The following SIDT2 variants were observed in gnomAD, a reference collection of about 807,000 sequenced individuals.
SIDT2 encodes the protein SID1 transmembrane family member 2.
In SIDT2, 68 loss-of-function variants were observed where a neutral mutation model predicts 114.4. The observed-to-expected ratio is 0.59, with a 90% CI of 0.49 to 0.73. The LOEUF (loss-of-function observed/expected upper bound fraction) is 0.73, where lower values mean the gene tolerates loss of function less well. SIDT2 is among the 30% of genes least tolerant of loss of function. The probability of loss-of-function intolerance (pLI) is 0.00; values close to 1 mark genes in which losing one functional copy is unlikely to be tolerated. For synonymous variants in SIDT2, 470 were observed against 438.4 expected (o/e 1.07, Z -0.90); for missense variants, 918 against 1,097.1 (o/e 0.84, Z 2.31).
In SIDT2 at chr11:117,188,454, G is replaced by A; in HGVS notation, c.1160-254G>A. 1 of 530,380 alleles carries A rather than the reference G, an allele frequency of 1.9e-6. No individual in the cohort carries two copies. The highest frequency in any genetic ancestry group is 3.4e-6 in the Non-Finnish European group (1 of 293,862). The allele number at this position is 530,380 out of a possible 1,614,324, so 32.9% of individuals were successfully genotyped here. A position where few individuals can be genotyped will look rare whatever the true frequency, so the allele number is the denominator to read the frequency against. On this transcript the variant is annotated intron_variant, in intron 12 of 25. Transcript: ENST00000324225. The surrounding 1 kb of genome is among the most constrained non-coding windows in gnomAD (Gnocchi z 4.0). ...TGGGAAGCCCTAGCCCATGAGGGGT[G>A]CCAGGAACAGAGCAAAGCTAGAGCG...
intron 6 of SIDT2, among the ~76,000 whole-genome samples, chr11:117,183,228 C>T (rs2030364494): frequency 6.6e-6 from 1 of 151,782 alleles, no homozygotes; most frequent in South Asian, 2.1e-4. Flanking sequence ...GCCTGTAATC[C>T]CAGCTACTCG....
Position 117,182,499 on chromosome 11 carries a change from CT to C in SIDT2, c.517-18del. ...GCATCCTCATGAGATGGGGCTCTCC[CT>C]TCCTTCCTGCACCCTCAGTACTTCA... On this transcript the variant is annotated intron_variant, in intron 4 of 25. Coordinates refer to ENST00000324225, the MANE Select transcript of SIDT2 (RefSeq NM_001040455.2). 6.2e-7 allele frequency: 1 copy of C among 1,607,836 alleles called. No individual in the cohort carries two copies. The highest frequency in any genetic ancestry group is 8.5e-7 in the Non-Finnish European group (1 of 1,174,242).
chr11:117,183,951 C>G, intron 7 of SIDT2, 73 bp downstream of exon 7: 1 of 1,494,730 alleles, frequency 6.7e-7, no homozygotes, highest in Non-Finnish European at 9.3e-7. Context: ...GAAGAGCCTG[C>G]GTGGCTGATT....
chr11:117,193,155 C>T lies in SIDT2; in HGVS notation c.2108C>T (p.Ala703Val). The T allele has an allele frequency of 3.1e-6, 5 of 1,614,222 alleles. No individual in the cohort carries two copies. The highest frequency in any genetic ancestry group is 4.2e-6 in the Non-Finnish European group (5 of 1,180,024). Reference sequence around the variant, plus strand: ...CCACCCTTCATCCCTCTTGCCAGGGCTGCCTATGGGCTTATCATGCGCCCC... The same window carrying T: ...CCACCCTTCATCCCTCTTGCCAGGGTTGCCTATGGGCTTATCATGCGCCCC... ...VMGNVINWSL[A>V]AYGLIMRPND... Residue 703 changes from alanine (A) to valine (V), a missense_variant and splice_region_variant, in exon 23 of 26, where the codon GCT becomes GTT. Transcript: ENST00000324225.
chr11:117,187,061 A>G lies in SIDT2; in HGVS notation c.1016-317A>G, dbSNP rs527554043. ...GTCCAGAGTAGGGGAGGGAGGGTGC[A>G]GCACAGGGCTGTCTGGAGGGCTCGT... On this transcript the variant is annotated intron_variant, in intron 10 of 25. Coordinates refer to ENST00000324225, the MANE Select transcript of SIDT2 (RefSeq NM_001040455.2). 4.1e-6 allele frequency: 6 copies of G among 1,460,906 alleles called. No individual in the cohort carries two copies. The South Asian group carries it at 7.3e-5, about 18-fold the overall frequency. 90.5% of individuals were successfully genotyped at this position (1,460,906 alleles called of 1,614,324 possible).
chr11:117,183,949 T>G, intron 7 of SIDT2, 71 bp downstream of exon 7: 2 of 1,502,388 alleles, frequency 1.3e-6, no homozygotes, highest in Non-Finnish European at 9.3e-7. Flanking sequence ...AAGAAGAGCC[T>G]GCGTGGCTGA....
rs1218129386 is a variant in SIDT2 at position 117,187,634 on chromosome 11, T to C, written c.1094T>C (p.Val365Ala). 5 of 1,614,064 alleles carry C rather than the reference T, an allele frequency of 3.1e-6. No homozygotes were observed. Among genetic ancestry groups the C allele is most frequent in the Non-Finnish European group, 4.2e-6 (5 of 1,180,004 alleles). Residue 365 changes from valine (V) to alanine (A), a missense_variant, in exon 12 of 26, where the codon GTT (valine) becomes GCT (alanine). Coordinates refer to ENST00000324225, the MANE Select transcript of SIDT2 (RefSeq NM_001040455.2). The stretch of plus-strand genomic sequence containing the variant: ...CACTGATCGTTCCCCACAGAGAATG[T>C]TTCTGGATCTACCGATGGTCTGGTT... ...EGYNYGSFEN[V>A]SGSTDGLVDS...
In SIDT2 at chr11:117,187,670, G is replaced by A. The variant is rs1467640783; in HGVS notation, c.1130G>A (p.Gly377Asp). 1.2e-6 allele frequency: 2 copies of A among 1,613,924 alleles called. No individual in the cohort carries two copies. Among genetic ancestry groups the A allele is most frequent in the Non-Finnish European group, 1.7e-6 (2 of 1,180,024 alleles). ...ACCGATGGTCTGGTTGACAGCGCTGGCACTGGGGACCTCTCTTACGGTTAC... is the reference window on the plus strand; with the variant it reads ...ACCGATGGTCTGGTTGACAGCGCTGACACTGGGGACCTCTCTTACGGTTAC... ...GSTDGLVDSA[G>D]TGDLSYGYQG... Residue 377 changes from glycine to aspartate, a missense_variant, in exon 12 of 26, where the codon GGC (glycine) becomes GAC (aspartate). Coordinates refer to ENST00000324225, the MANE Select transcript of SIDT2 (RefSeq NM_001040455.2).
chr11:117,189,821 C>A, intron 15 of SIDT2, 131 bp from the exon 16 acceptor site: 1 of 765,276 alleles, frequency 1.3e-6, no homozygotes, highest in Non-Finnish European at 2.3e-6. Context: ...CACGTGCCTG[C>A]GGTGCTGTGT....
rs138978847 is a variant in SIDT2 at position 117,192,858 on chromosome 11, C to T, written c.2097C>T (p.Asn699=). ...TGCTGGTCATGGGCAACGTCATCAA[C>T]TGGTCGCTGTGAGTATGGTCAGCAG... ...MVLLVMGNVI[N]WSLAAYGLIM... is the part of the protein sequence containing the mutation. The change falls in exon 22 of 26, where the codon AAC becomes AAT. Residue 699 remains asparagine (N), a synonymous_variant. Coordinates refer to ENST00000324225, the MANE Select transcript of SIDT2 (RefSeq NM_001040455.2). The surrounding 1 kb of genome is among the most constrained non-coding windows in gnomAD (Gnocchi z 5.9). 24 of 1,614,160 alleles carry T rather than the reference C, an allele frequency of 1.5e-5. No homozygotes were observed. The African/African-American group carries it at 1.7e-4, about 12-fold the overall frequency.
rs2030766132 is a variant in SIDT2, at chr11:117,193,192, T to G, written c.2145T>G (p.Ala715=). The change falls in exon 23 of 26, where the codon GCT becomes GCG. Residue 715 remains alanine, a synonymous_variant. Transcript: ENST00000324225. ...YGLIMRPNDF[A]SYLLAIGICN... The stretch of plus-strand genomic sequence containing the variant: ...TTATCATGCGCCCCAATGATTTCGC[T>G]TCCTACTTGTTGGCCATTGGCATCT... The G allele has an allele frequency of 6.2e-7, 1 of 1,614,052 alleles. No homozygotes were observed. The highest frequency in any genetic ancestry group is 1.3e-5 in the African/African-American group (1 of 74,932).
At chr11:117,184,356 G>A (rs560075609) in intron 8 of SIDT2, among the ~76,000 whole-genome samples, 33 of 152,242 alleles carry the variant, frequency 2.2e-4, no homozygotes, top group Middle Eastern at 3.4e-3. Flanking sequence ...AAAGATGGAA[G>A]AACTGAGGTC....
intron 1 of SIDT2, among the ~76,000 whole-genome samples, chr11:117,180,229 G>A (rs2030224851): frequency 6.6e-6 from 1 of 152,210 alleles, no homozygotes; most frequent in African/African-American, 2.4e-5. Flanking sequence ...TGAGAATGGG[G>A]AATCTGATTT....
In SIDT2 at chr11:117,186,842, C is replaced by T. The variant is rs2030515425; in HGVS notation, c.1015+206C>T. On this transcript the variant is annotated intron_variant, in intron 10 of 25. Transcript: ENST00000324225. ...GCACACCTCAGAGGCTGAGGTGTTG[C>T]TTGGTTTATTCCATGTCTAGCGATG... 8 of 1,037,162 alleles carry T rather than the reference C, an allele frequency of 7.7e-6. No individual in the cohort carries two copies. The East Asian group carries it at 2.1e-4, about 27-fold the overall frequency. 64.2% of individuals were successfully genotyped at this position (1,037,162 alleles called of 1,614,324 possible).
At position 117,193,198 on chromosome 11, in the gene SIDT2, C is replaced by G; in HGVS notation, c.2151C>G (p.Tyr717Ter). The change falls in exon 23 of 26, where the codon TAC becomes TAG. Residue 717 changes from tyrosine to a stop codon, truncating the protein, a stop_gained. Transcript: ENST00000324225. LOFTEE classifies it high-confidence loss of function. ...TGCGCCCCAATGATTTCGCTTCCTACTTGTTGGCCATTGGCATCTGCAACC... is the reference window on the plus strand; with the variant it reads ...TGCGCCCCAATGATTTCGCTTCCTAGTTGTTGGCCATTGGCATCTGCAACC... ...LIMRPNDFAS[Y>*]LLAIGICNLL... 1.2e-6 allele frequency: 2 copies of G among 1,614,168 alleles called. No individual in the cohort carries two copies.
Position 117,182,526 on chromosome 11 carries a change from A to G in SIDT2, c.524A>G (p.Lys175Arg). ...TCCTTCCTGCACCCTCAGTACTTCA[A>G]GTATGAGTTCCCTGAAGGCGTGGAC... The part of the protein sequence containing the change: ...NTTAAQPQYF[K>R]YEFPEGVDSV... The change falls in exon 5 of 26, where the codon AAG becomes AGG. Residue 175 changes from lysine (K) to arginine (R), a missense_variant. Coordinates refer to ENST00000324225, the MANE Select transcript of SIDT2 (RefSeq NM_001040455.2). The G allele has an allele frequency of 6.2e-7, 1 of 1,613,804 alleles. No homozygotes were observed. Among genetic ancestry groups the G allele is most frequent in the Non-Finnish European group, 8.5e-7 (1 of 1,179,650 alleles).
At position 117,182,709 on chromosome 11, in the gene SIDT2, C is replaced by T; in HGVS notation, c.619-14C>T. On this transcript the variant is annotated splice_polypyrimidine_tract_variant and intron_variant, in intron 5 of 25. Transcript: ENST00000324225. ...CCAGGTTCCCATCCATCTGCCTCTC[C>T]CGCCCCTCTGCAGTGTCCTGTCTAT... 1.2e-6 allele frequency: 2 copies of T among 1,614,084 alleles called. No homozygotes were observed. Among genetic ancestry groups the T allele is most frequent in the Non-Finnish European group, 1.7e-6 (2 of 1,179,916 alleles).
intron 1 of SIDT2, among the ~76,000 whole-genome samples, chr11:117,180,343 C>T (rs1330986478): frequency 6.6e-6 from 1 of 152,088 alleles, no homozygotes; most frequent in Non-Finnish European, 1.5e-5. Flanking sequence ...GTCCTTTCTT[C>T]CTTTTTTCCC....
chr11:117,187,390 T>C lies in SIDT2; in HGVS notation c.1028T>C (p.Val343Ala). Residue 343 changes from valine to alanine, a missense_variant, in exon 11 of 26, where the codon GTC (valine) becomes GCC (alanine). By Grantham distance (64) the Val-to-Ala change is moderately conservative. Coordinates refer to ENST00000324225, the MANE Select transcript of SIDT2 (RefSeq NM_001040455.2). Reference protein sequence around the residue: ...RACPESGHPRVLADSFPGSSP... With the variant: ...RACPESGHPRALADSFPGSSP... ...CTTCTCATTGCAGGTCACCCTCGAG[T>C]CCTGGCTGATTCTTTTCCTGGCAGT... is the stretch of plus-strand genomic sequence containing the variant. 6.2e-7 allele frequency: 1 copy of C among 1,613,900 alleles called. No individual in the cohort carries two copies. The highest frequency in any genetic ancestry group is 8.5e-7 in the Non-Finnish European group (1 of 1,179,978).
Sources: allele counts gnomAD v4.1 joint callset (sites outside exome capture counted in the v4.1 genomes callset), GRCh38; gene constraint gnomAD v4.1.1; non-coding constraint Gnocchi (gnomAD v3.1); transcripts MANE v1.5; gene names NCBI Gene and HGNC (gene_info 2026-07-23, HGNC 2026-07-21).